The following ITGA8 variants were observed in gnomAD, a reference collection of about 807,000 sequenced individuals.
The protein encoded by ITGA8 is integrin subunit alpha 8.
In ITGA8, 91 loss-of-function variants were observed where a neutral mutation model predicts 142.3. The observed-to-expected ratio is 0.64, with a 90% CI of 0.54 to 0.76. The LOEUF is 0.76. Ranked by LOEUF, ITGA8 falls within the 30% of genes least tolerant of loss-of-function variation. The probability of loss-of-function intolerance (pLI) is 0.00; values close to 1 mark genes in which losing one functional copy is unlikely to be tolerated. For missense variants in ITGA8, 1,406 were observed against 1,327.7 expected, an observed-to-expected ratio of 1.06 and a Z score of -0.92; for synonymous variants, 505 against 485.2, an observed-to-expected ratio of 1.04 and a Z score of -0.54.
intron 2 of ITGA8, among the ~76,000 whole-genome samples, chr10:15,700,829 C>T (rs1000409458): frequency 6.6e-6 from 1 of 152,148 alleles, no homozygotes; most frequent in Admixed American, 6.5e-5. Context: ...TACTCATTGT[C>T]ATTCACTCTC....
At chr10:15,661,066 A>T (rs936688446) in intron 8 of ITGA8, 144 bp from the exon 9 acceptor site, 56 of 702,902 alleles carry the variant, frequency 8.0e-5, no homozygotes, top group Non-Finnish European at 1.2e-4. Flanking sequence ...GCCCCAGGCC[A>T]TCAACCAGCA....
chr10:15,594,664 C>T (rs1162964395), intron 21 of ITGA8, among the ~76,000 whole-genome samples: 1 of 152,090 alleles, frequency 6.6e-6, no homozygotes, highest in Non-Finnish European at 1.5e-5. Flanking sequence ...TGCCTGTAAT[C>T]CCAGCTACTC....
At chr10:15,672,069 A>G (rs1238981646) in intron 7 of ITGA8, among the ~76,000 whole-genome samples, 3 of 152,172 alleles carry the variant, frequency 2.0e-5, no homozygotes, top group Admixed American at 2.0e-4. Context: ...CACCAGTAAG[A>G]CCTACTTCCT....
At chr10:15,648,358 A>C (rs1277661252) in intron 11 of ITGA8, among the ~76,000 whole-genome samples, 1 of 151,772 alleles carries the variant, frequency 6.6e-6, no homozygotes, top group African/African-American at 2.4e-5. Flanking sequence ...TTGCCAAGCA[A>C]ACCGATTAAA....
At chr10:15,691,664 A>C (rs1834936749) in intron 2 of ITGA8, among the ~76,000 whole-genome samples, 1 of 152,194 alleles carries the variant, frequency 6.6e-6, no homozygotes, top group Non-Finnish European at 1.5e-5. Flanking sequence ...GGCTCATAGA[A>C]GCAAACAGTA....
At chr10:15,616,482 A>G in intron 14 of ITGA8, 32 bp downstream of exon 14, 1 of 1,525,788 alleles carries the variant, frequency 6.6e-7, no homozygotes, top group Non-Finnish European at 9.1e-7. Context: ...TGAAACAATG[A>G]GAAAAACATT....
chr10:15,605,945 C>A (rs1833187704), intron 18 of ITGA8, among the ~76,000 whole-genome samples, 154 bp from the exon 19 acceptor site: 1 of 152,178 alleles, frequency 6.6e-6, no homozygotes, highest in Admixed American at 6.5e-5. Flanking sequence ...TTCACAGTGA[C>A]CTCCCAATAC....
intron 13 of ITGA8, among the ~76,000 whole-genome samples, chr10:15,624,603 G>T (rs987375902): frequency 2.0e-5 from 3 of 152,024 alleles, no homozygotes; most frequent in African/African-American, 7.2e-5. Context: ...CTCTACAGAC[G>T]CCTGACTCCT....
chr10:15,605,438 C>G (rs1298857772), intron 19 of ITGA8, among the ~76,000 whole-genome samples: 1 of 151,964 alleles, frequency 6.6e-6, no homozygotes, highest in African/African-American at 2.4e-5. Flanking sequence ...GTAAACATAA[C>G]CCGAGCCACC....
intron 8 of ITGA8, among the ~76,000 whole-genome samples, chr10:15,668,080 C>G (rs1834431713): frequency 2.0e-5 from 3 of 152,104 alleles, no homozygotes; most frequent in Non-Finnish European, 2.9e-5. Context: ...TCCTTGTTAA[C>G]TTTCTGTCTA....
chr10:15,576,681 T>C (rs1834304126), intron 23 of ITGA8, among the ~76,000 whole-genome samples: 1 of 152,222 alleles, frequency 6.6e-6, no homozygotes, highest in Non-Finnish European at 1.5e-5. Context: ...TGTATATCTC[T>C]CTTTCTTCAT....
At chr10:15,523,393 G>A (rs1194960336) in intron 28 of ITGA8, among the ~76,000 whole-genome samples, 1 of 152,172 alleles carries the variant, frequency 6.6e-6, no homozygotes, top group African/African-American at 2.4e-5. Flanking sequence ...AGGGTCTTTT[G>A]AAGCAGAGAA....
intron 2 of ITGA8, 118 bp from the exon 3 acceptor site, chr10:15,688,156 CA>C: frequency 4.2e-6 from 3 of 707,880 alleles, no homozygotes; most frequent in East Asian, 5.4e-5. Flanking sequence ...CAAACTCCTC[CA>C]AAAAAATTGA....
intron 21 of ITGA8, chr10:15,596,860 G>A (rs1326871976): frequency 4.9e-6 from 1 of 205,330 alleles, no homozygotes; most frequent in Non-Finnish European, 9.9e-6. Context: ...TATTTTTAGA[G>A]TCTTTAACTT....
intron 23 of ITGA8, among the ~76,000 whole-genome samples, chr10:15,580,126 TA>T (rs35286236): frequency 0.58 from 63,459 of 108,800 alleles, 17,220 homozygotes; most frequent in East Asian, 0.74. Context: ...TCAGAAAATG[TA>T]AAAAAAAAAA....
intron 20 of ITGA8, among the ~76,000 whole-genome samples, chr10:15,602,602 G>C (rs1833123609): frequency 6.6e-6 from 1 of 152,116 alleles, no homozygotes; most frequent in South Asian, 2.1e-4. Flanking sequence ...GCCAGGCATG[G>C]TGGTGCACAC....
chr10:15,546,029 C>T (rs1204682416), intron 27 of ITGA8, among the ~76,000 whole-genome samples: 1 of 152,156 alleles, frequency 6.6e-6, no homozygotes, highest in East Asian at 1.9e-4. Flanking sequence ...GTGTTCTGGC[C>T]TCAGGGCCTT....
chr10:15,718,600 T>C (rs1453884159), intron 2 of ITGA8, among the ~76,000 whole-genome samples, 166 bp downstream of exon 2: 1 of 152,170 alleles, frequency 6.6e-6, no homozygotes, highest in African/African-American at 2.4e-5. Flanking sequence ...TTCAGTTAAC[T>C]GAGAGTTGAA....
intron 23 of ITGA8, 106 bp from the exon 24 acceptor site, chr10:15,575,700 A>G: frequency 1.3e-6 from 1 of 794,296 alleles, no homozygotes; most frequent in South Asian, 1.5e-5. Flanking sequence ...TTTTCAATTT[A>G]TTTGAGTAGA....
Sources: allele counts gnomAD v4.1 joint callset (sites outside exome capture counted in the v4.1 genomes callset), GRCh38; gene constraint gnomAD v4.1.1; transcripts MANE v1.5; gene names NCBI Gene and HGNC (gene_info 2026-07-23, HGNC 2026-07-21).